ADCY2: variants seen among roughly 807,000 people sequenced by gnomAD.
ADCY2 encodes adenylate cyclase type 2.
In ADCY2, 31 loss-of-function variants were observed where a neutral mutation model predicts 125.2. The ratio of observed to expected loss-of-function variants is 0.25; its 90% CI spans 0.19 to 0.33. The LOEUF is 0.33. ADCY2 is among the 10% of genes least tolerant of loss of function. The probability of loss-of-function intolerance (pLI) is 1.00; values close to 1 mark genes in which losing one functional copy is unlikely to be tolerated. For synonymous variants in ADCY2, 512 were observed against 548.4 expected, an observed-to-expected ratio of 0.93 and a Z score of 0.93; for missense variants, 904 against 1,418.2, an observed-to-expected ratio of 0.64 and a Z score of 5.82.
At chr5:7,428,410 T>C (rs1239693399) in intron 2 of ADCY2, among the ~76,000 whole-genome samples, 2 of 152,226 alleles carry the variant, frequency 1.3e-5, no homozygotes, top group Admixed American at 1.3e-4. Context: ...GCTAAATAAA[T>C]GGCTTTTCAC....
intron 2 of ADCY2, among the ~76,000 whole-genome samples, chr5:7,450,995 ATTAC>A (rs147607642): frequency 0.015 from 2,300 of 152,274 alleles, 57 homozygotes; most frequent in African/African-American, 0.052. Context: ...CTTTCAAAAT[ATTAC>A]TTCTCACTGA....
At chr5:7,536,271 G>T (rs1000148352) in intron 3 of ADCY2, among the ~76,000 whole-genome samples, 2 of 152,196 alleles carry the variant, frequency 1.3e-5, no homozygotes, top group African/African-American at 2.4e-5. Context: ...ACATGGGGGT[G>T]CCCCCAGTGG....
chr5:7,681,008 A>T (rs1294577827), intron 4 of ADCY2, among the ~76,000 whole-genome samples: 1 of 152,252 alleles, frequency 6.6e-6, no homozygotes, highest in Non-Finnish European at 1.5e-5. Context: ...GAAAATTGAT[A>T]GCCAAGCAAG....
intron 6 of ADCY2, among the ~76,000 whole-genome samples, chr5:7,696,203 C>G (rs2126322919): frequency 6.6e-6 from 1 of 152,320 alleles, no homozygotes; most frequent in Non-Finnish European, 1.5e-5. Context: ...TTAGGCATTT[C>G]CATGTCAAGG....
chr5:7,589,481 A>AGAAAGAAAGAAG (rs1194946054), intron 3 of ADCY2, among the ~76,000 whole-genome samples: 1 of 63,482 alleles, frequency 1.6e-5, no homozygotes, highest in Admixed American at 2.5e-4. Context: ...AAAGAAAGAA[A>AGAAAGAAAGAAG]GAAAGAAAGA....
chr5:7,680,264 A>G (rs567065579), intron 4 of ADCY2, among the ~76,000 whole-genome samples: 1 of 152,262 alleles, frequency 6.6e-6, no homozygotes, highest in African/African-American at 2.4e-5. Context: ...AGTCTAGTCT[A>G]TGTCTCAGTC....
At chr5:7,493,552 C>T (rs999947811) in intron 2 of ADCY2, among the ~76,000 whole-genome samples, 21 of 152,084 alleles carry the variant, frequency 1.4e-4, no homozygotes, top group Non-Finnish European at 3.1e-4. Context: ...CTGGAAACGA[C>T]GATGTCTACA....
At chr5:7,776,255 A>T (rs1246146336) in intron 18 of ADCY2, among the ~76,000 whole-genome samples, 1 of 146,734 alleles carries the variant, frequency 6.8e-6, no homozygotes, top group Non-Finnish European at 1.5e-5. Flanking sequence ...ACATCACTTA[A>T]TCCAAAGCCA....
rs200793395 is a variant in ADCY2 at position 7,707,783 on chromosome 5, G to A, written c.1346G>A (p.Arg449Lys). 1 of 1,614,122 alleles carries A rather than the reference G, an allele frequency of 6.2e-7. No homozygotes were observed. Among genetic ancestry groups the A allele is most frequent in the Non-Finnish European group, 8.5e-7 (1 of 1,180,024 alleles). The stretch of plus-strand genomic sequence containing the variant: ...GTGGAGGAGGGAGATGGTGACATTA[G>A]GGACCCATATTTAAAACAGCACCTG... ...YKVEEGDGDI[R>K]DPYLKQHLVK... The change falls in exon 9 of 25, where the codon AGG (arginine) becomes AAG (lysine). Residue 449 changes from arginine (R) to lysine (K), a missense_variant. Arg to Lys is a conservative substitution (Grantham distance 26, BLOSUM62 2). Transcript: ENST00000338316.
intron 11 of ADCY2, among the ~76,000 whole-genome samples, chr5:7,713,949 T>A (rs1741521666): frequency 6.6e-6 from 1 of 152,228 alleles, no homozygotes; most frequent in Non-Finnish European, 1.5e-5. Flanking sequence ...GGTTGTAACC[T>A]GCTGAAACAA....
intron 15 of ADCY2, among the ~76,000 whole-genome samples, chr5:7,750,073 T>G (rs1742755951): frequency 6.6e-6 from 1 of 152,210 alleles, no homozygotes; most frequent in Non-Finnish European, 1.5e-5. Flanking sequence ...TTTTCTCTGA[T>G]CCAAACATCT....
chr5:7,490,419 G>C (rs1459270464), intron 2 of ADCY2, among the ~76,000 whole-genome samples: 2 of 152,108 alleles, frequency 1.3e-5, no homozygotes, highest in East Asian at 3.9e-4. Flanking sequence ...CATGAACAGA[G>C]ATATGCCTGC....
intron 2 of ADCY2, among the ~76,000 whole-genome samples, chr5:7,492,870 C>T (rs189971473): frequency 1.3e-5 from 2 of 152,104 alleles, no homozygotes; most frequent in Non-Finnish European, 2.9e-5. Flanking sequence ...GGCTCTTCCA[C>T]CTGCATTCAG....
intron 4 of ADCY2, among the ~76,000 whole-genome samples, chr5:7,642,856 G>A (rs912372944): frequency 2.6e-5 from 4 of 151,972 alleles, no homozygotes; most frequent in Non-Finnish European, 5.9e-5. Flanking sequence ...ACCAAACTAA[G>A]TTTCATAATC....
intron 18 of ADCY2, among the ~76,000 whole-genome samples, chr5:7,777,605 C>A (rs1290661491): frequency 6.6e-6 from 1 of 152,182 alleles, no homozygotes; most frequent in Admixed American, 6.5e-5. Flanking sequence ...TGTTTAAAGG[C>A]AGTGCCAGCC....
Position 7,802,343 on chromosome 5 carries a change from G to A in ADCY2, c.2754G>A (p.Glu918=), listed in dbSNP as rs1286770505. ...TGGAATGCCTTCGGCTCCTGAACGA[G>A]ATCATCGCTGACTTTGATGATGTAG... ...EGLECLRLLN[E]IIADFDDLLS... The change falls in exon 21 of 25, where the codon GAG becomes GAA. Residue 918 remains glutamate (E), a synonymous_variant. Transcript: ENST00000338316. The surrounding 1 kb of genome is among the most constrained non-coding windows in gnomAD (Gnocchi z 4.6). The A allele has an allele frequency of 6.2e-7, 1 of 1,614,190 alleles. No individual in the cohort carries two copies. The highest frequency in any genetic ancestry group is 1.1e-5 in the South Asian group (1 of 91,084).
At chr5:7,431,921 A>C (rs1327992311) in intron 2 of ADCY2, among the ~76,000 whole-genome samples, 1 of 152,096 alleles carries the variant, frequency 6.6e-6, no homozygotes, top group Non-Finnish European at 1.5e-5. Context: ...CTGTGGCCCA[A>C]AGTGAGAACA....
intron 2 of ADCY2, among the ~76,000 whole-genome samples, chr5:7,420,054 T>C (rs1042585244): frequency 2.6e-5 from 4 of 152,100 alleles, no homozygotes; most frequent in Non-Finnish European, 5.9e-5. Flanking sequence ...ACGGGAGCGA[T>C]TGCACCCCCC....
chr5:7,557,560 T>G (rs2126583157), intron 3 of ADCY2, among the ~76,000 whole-genome samples: 1 of 152,218 alleles, frequency 6.6e-6, no homozygotes, highest in South Asian at 2.1e-4. Context: ...CAGAGTGTGT[T>G]CCCCTCTTTG....
Sources: gnomAD v4.1 joint callset for allele counts (sites outside exome capture counted in the v4.1 genomes callset) on GRCh38, gnomAD v4.1.1 for gene constraint, Gnocchi (gnomAD v3.1) non-coding constraint, MANE v1.5 for transcripts, NCBI Gene and HGNC (gene_info 2026-07-23, HGNC 2026-07-21) for gene names.